The following EYS variants were observed in gnomAD, a reference collection of about 807,000 sequenced individuals.
EYS encodes the protein EGF-like photoreceptor maintenance factor.
In EYS, 250 loss-of-function variants were observed where a neutral mutation model predicts 282.1. That is an observed-to-expected ratio of 0.89 (90% CI 0.80 to 0.98). The LOEUF (loss-of-function observed/expected upper bound fraction) is 0.98, where lower values mean the gene tolerates loss of function less well. Ranked by LOEUF, EYS falls within the 50% of genes least tolerant of loss-of-function variation. The probability of loss-of-function intolerance (pLI) is 0.00; values close to 1 mark genes in which losing one functional copy is unlikely to be tolerated. For missense variants in EYS, 4,016 were observed against 3,709.0 expected (o/e 1.08, Z -2.15); for synonymous variants, 1,355 against 1,282.9 (o/e 1.06, Z -1.20).
intron 35 of EYS, among the ~76,000 whole-genome samples, chr6:63,969,376 T>A (rs1248882149): frequency 2.0e-5 from 3 of 152,212 alleles, no homozygotes; most frequent in South Asian, 4.1e-4. Flanking sequence ...CCGGCTTTTA[T>A]GAATTTGCAT....
intron 33 of EYS, among the ~76,000 whole-genome samples, chr6:64,028,755 G>A (rs1769663198): frequency 6.6e-6 from 1 of 152,164 alleles, no homozygotes; most frequent in Non-Finnish European, 1.5e-5. Context: ...CCTTCAATAT[G>A]TGGATGATTT....
intron 30 of EYS, among the ~76,000 whole-genome samples, chr6:64,266,117 T>C (rs1767752156): frequency 6.6e-6 from 1 of 152,114 alleles, no homozygotes. Flanking sequence ...GAGTTGCTAT[T>C]ACAAAGAGTT....
At chr6:64,506,226 T>C (rs9345179) in intron 26 of EYS, among the ~76,000 whole-genome samples, 64,312 of 151,974 alleles carry the variant, frequency 0.42, 14,349 homozygotes, top group African/African-American at 0.59. Context: ...GCATTTAACA[T>C]AGTCAGTAAA....
intron 2 of EYS, among the ~76,000 whole-genome samples, chr6:65,620,787 T>C (rs1262133100): frequency 6.6e-6 from 1 of 152,098 alleles, no homozygotes; most frequent in African/African-American, 2.4e-5. Flanking sequence ...AACATCTTTA[T>C]TTCTGCCTTC....
Position 63,721,306 on chromosome 6 carries a change from T to C in EYS, c.8725A>G (p.Thr2909Ala). Residue 2909 changes from threonine (T) to alanine (A), a missense_variant, in exon 43 of 43, where the codon ACA becomes GCA. By Grantham distance (58) the Thr-to-Ala change is moderately conservative. Transcript: ENST00000503581. ...AAACAGGACACAGACTGGTTACATG[T>C]ATTTCCAGCCCAATCTGGCAAACAT... ...CRCLPDWAGN[T>A]CNQSVSCLNN... 1 of 1,551,996 alleles carries C rather than the reference T, an allele frequency of 6.4e-7. No individual in the cohort carries two copies. The highest frequency in any genetic ancestry group is 8.7e-7 in the Non-Finnish European group (1 of 1,147,012).
intron 12 of EYS, among the ~76,000 whole-genome samples, chr6:65,101,561 A>T (rs1056670655): frequency 5.9e-5 from 9 of 151,282 alleles, no homozygotes; most frequent in African/African-American, 2.2e-4. Context: ...AAACTACCTC[A>T]GATAATAAAT....
intron 26 of EYS, among the ~76,000 whole-genome samples, chr6:64,587,793 A>G (rs370721128): frequency 6.6e-6 from 1 of 152,070 alleles, no homozygotes; most frequent in South Asian, 2.1e-4. Flanking sequence ...AGAAAATACT[A>G]TAGTAACCAA....
rs147018152 is a variant in EYS at position 64,413,152 on chromosome 6, A to G, written c.5927+23022T>C. On this transcript the variant is annotated intron_variant, in intron 28 of 42. Transcript: ENST00000503581. ...AGCCATATATTCCCCACTCTCCCTTAAAGGAGATTAGATATTTATCCCCTC... is the reference window on the plus strand; with the variant it reads ...AGCCATATATTCCCCACTCTCCCTTGAAGGAGATTAGATATTTATCCCCTC... Among the ~76,000 whole-genome samples the G allele has an allele frequency of 2.6e-5, 4 of 152,216 alleles. No individual in the cohort carries two copies. The East Asian group carries it at 5.8e-4, about 22-fold the overall frequency.
At chr6:65,152,378 G>T (rs940588246) in intron 12 of EYS, among the ~76,000 whole-genome samples, 38 of 151,964 alleles carry the variant, frequency 2.5e-4, no homozygotes, top group African/African-American at 9.2e-4. Context: ...ACTTTATTTG[G>T]AAATAGGACT....
intron 32 of EYS, among the ~76,000 whole-genome samples, chr6:64,075,046 A>T (rs1771718423): frequency 2.0e-5 from 3 of 151,978 alleles, no homozygotes; most frequent in Middle Eastern, 3.2e-3. Context: ...GTGCTGCTTC[A>T]TGACATATGA....
chr6:64,641,016 G>A (rs1326235437), intron 22 of EYS, among the ~76,000 whole-genome samples: 32 of 152,158 alleles, frequency 2.1e-4, no homozygotes, highest in Non-Finnish European at 4.6e-4. Flanking sequence ...TAACCAGGTA[G>A]GGCAGGCAGA....
chr6:64,335,136 G>A (rs1234856311), intron 29 of EYS, among the ~76,000 whole-genome samples: 1 of 151,908 alleles, frequency 6.6e-6, no homozygotes, highest in Non-Finnish European at 1.5e-5. Flanking sequence ...CATTTGTGTC[G>A]AGCACAAAGG....
intron 26 of EYS, among the ~76,000 whole-genome samples, chr6:64,476,656 T>A (rs1039058472): frequency 1.3e-5 from 2 of 152,216 alleles, no homozygotes; most frequent in African/African-American, 2.4e-5. Context: ...TTTGGCTCTA[T>A]ATTCATTATT....
At chr6:65,372,154 A>G (rs571004738) in intron 8 of EYS, among the ~76,000 whole-genome samples, 1 of 152,170 alleles carries the variant, frequency 6.6e-6, no homozygotes. Context: ...AAGATAAAAC[A>G]TAAACAGAAT....
At chr6:64,251,325 A>G (rs1411335140) in intron 30 of EYS, among the ~76,000 whole-genome samples, 1 of 150,724 alleles carries the variant, frequency 6.6e-6, no homozygotes, top group Non-Finnish European at 1.5e-5. Context: ...ATTTCAGAGA[A>G]CTACTAGAAC....
At chr6:64,411,084 AG>A (rs1383182974) in intron 28 of EYS, among the ~76,000 whole-genome samples, 1 of 152,144 alleles carries the variant, frequency 6.6e-6, no homozygotes, top group Admixed American at 6.6e-5. Flanking sequence ...GGGGATAATC[AG>A]GAGAGAAACA....
intron 26 of EYS, among the ~76,000 whole-genome samples, chr6:64,463,419 C>T (rs1775820047): frequency 6.6e-6 from 1 of 152,194 alleles, no homozygotes; most frequent in Non-Finnish European, 1.5e-5. Flanking sequence ...ATATATTGAA[C>T]TACTTTTCAT....
chr6:65,697,793 T>C lies in EYS; in HGVS notation c.-448+9342A>G, dbSNP rs576324749. Among the ~76,000 whole-genome samples the C allele has an allele frequency of 3.3e-5, 5 of 152,294 alleles. No individual in the cohort carries two copies. The South Asian group carries it at 1.0e-3, about 32-fold the overall frequency. On this transcript the variant is annotated intron_variant, in intron 1 of 42. Coordinates refer to ENST00000503581, the MANE Select transcript of EYS (RefSeq NM_001142800.2). The stretch of plus-strand genomic sequence containing the variant: ...CATGAAATCATCACGGCATTACATC[T>C]ATCTTAGTCAGAGCCTGTCAGTATG...
At chr6:64,341,540 T>C (rs1047959077) in intron 29 of EYS, among the ~76,000 whole-genome samples, 7 of 151,714 alleles carry the variant, frequency 4.6e-5, no homozygotes, top group Non-Finnish European at 7.4e-5. Context: ...TATGGACTAC[T>C]AGAGGGAGGA....
Sources: gnomAD v4.1 joint callset for allele counts (sites outside exome capture counted in the v4.1 genomes callset) on GRCh38, gnomAD v4.1.1 for gene constraint, MANE v1.5 for transcripts, NCBI Gene and HGNC (gene_info 2026-07-23, HGNC 2026-07-21) for gene names.